Variants in KCND2 observed in about 807,000 individuals in gnomAD.
KCND2 encodes the protein potassium voltage-gated channel subfamily D member 2.
A neutral mutation model predicts 54.4 loss-of-function variants in KCND2; 16 were observed. That is an observed-to-expected ratio of 0.29 (90% CI 0.20 to 0.45). The LOEUF (loss-of-function observed/expected upper bound fraction) is 0.45. Ranked by LOEUF, KCND2 falls within the 20% of genes least tolerant of loss-of-function variation. The pLI, the probability that KCND2 is intolerant of heterozygous loss-of-function variation, is 1.00. For synonymous variants in KCND2, 317 were observed against 310.7 expected, an observed-to-expected ratio of 1.02 and a Z score of -0.21; for missense variants, 486 against 824.2, an observed-to-expected ratio of 0.59 and a Z score of 5.02.
At chr7:120,616,188 T>C (rs1348608930) in intron 1 of KCND2, among the ~76,000 whole-genome samples, 1 of 152,182 alleles carries the variant, frequency 6.6e-6, no homozygotes, top group African/African-American at 2.4e-5. Context: ...TGAAGTCAAA[T>C]TACCTGTATT....
intron 1 of KCND2, among the ~76,000 whole-genome samples, chr7:120,701,048 C>G (rs1285187159): frequency 6.6e-6 from 1 of 151,772 alleles, no homozygotes; most frequent in Non-Finnish European, 1.5e-5. Flanking sequence ...TGCGGGAGTT[C>G]CAGCTTTTAC....
intron 1 of KCND2, among the ~76,000 whole-genome samples, chr7:120,503,385 TGA>T (rs58222636): frequency 1.4e-3 from 210 of 145,540 alleles, no homozygotes; most frequent in Admixed American, 1.6e-3. Flanking sequence ...GTCTCTAGAG[TGA>T]GAGAGAGAGA....
rs561058066 is a variant in KCND2, at chr7:120,609,948, A to T, written c.1116-122955A>T. On this transcript the variant is annotated intron_variant, in intron 1 of 5. Transcript: ENST00000331113. ...GACTTAAGGAGTCCACATGCTGCTC[A>T]TGTAAGCAGAAATACTGAGTGTTTG... Among the ~76,000 whole-genome samples the T allele has an allele frequency of 1.4e-4, 22 of 152,264 alleles. No homozygotes were observed. In the South Asian group the frequency reaches 4.6e-3, roughly 32 times the overall value.
intron 1 of KCND2, among the ~76,000 whole-genome samples, chr7:120,648,074 ATAAAAATAGGTTTTTCTGTCCTCC>A (rs1233027639): frequency 2.0e-5 from 3 of 152,320 alleles, no homozygotes; most frequent in Middle Eastern, 6.8e-3. Flanking sequence ...AAGAAATATG[ATAAAAATAGGTTTTTCTGTCCTCC>A]TAAAAATAGG....
chr7:120,312,298 T>C (rs1022370162), intron 1 of KCND2, among the ~76,000 whole-genome samples: 2 of 152,120 alleles, frequency 1.3e-5, no homozygotes, highest in Non-Finnish European at 2.9e-5. Flanking sequence ...TGATGGGCAT[T>C]TAGGTTGATT....
intron 1 of KCND2, among the ~76,000 whole-genome samples, chr7:120,363,927 C>T (rs1400005030): frequency 6.6e-6 from 1 of 152,078 alleles, no homozygotes; most frequent in Non-Finnish European, 1.5e-5. Flanking sequence ...GAGGCCTCTG[C>T]ACTCAGATGC....
chr7:120,427,310 C>T (rs757324374), intron 1 of KCND2, among the ~76,000 whole-genome samples: 6 of 152,198 alleles, frequency 3.9e-5, no homozygotes, highest in Admixed American at 1.3e-4. Flanking sequence ...TGCCATTGTT[C>T]AGTTACACCC....
chr7:120,690,403 G>T (rs541542057), intron 1 of KCND2, among the ~76,000 whole-genome samples: 2 of 152,316 alleles, frequency 1.3e-5, no homozygotes, highest in African/African-American at 4.8e-5. Flanking sequence ...CTGACCTTAA[G>T]TATTTAATTA....
At chr7:120,433,673 A>T (rs2116170906) in intron 1 of KCND2, among the ~76,000 whole-genome samples, 1 of 152,370 alleles carries the variant, frequency 6.6e-6, no homozygotes, top group Non-Finnish European at 1.5e-5. Context: ...TCCTATCAAA[A>T]GAAAAACCTA....
intron 1 of KCND2, among the ~76,000 whole-genome samples, chr7:120,479,107 T>C (rs1000103057): frequency 6.6e-6 from 1 of 152,154 alleles, no homozygotes; most frequent in Non-Finnish European, 1.5e-5. Context: ...CAACATAAAA[T>C]GCATGGTTGT....
chr7:120,734,182 T>A (rs537583104), intron 2 of KCND2, among the ~76,000 whole-genome samples: 1 of 152,230 alleles, frequency 6.6e-6, no homozygotes, highest in Non-Finnish European at 1.5e-5. Flanking sequence ...TTTGCCTTAT[T>A]TGAACACAGT....
chr7:120,742,491 GTCTTC>G lies in KCND2; in HGVS notation c.1375-14_1375-10del. ...TGCAAATAAAATAGAAAGCTCTTCT[GTCTTC>G]TCTTTGTTAACAGTCCTCAGAGGAT... On this transcript the variant is annotated splice_polypyrimidine_tract_variant and intron_variant, in intron 3 of 5. Coordinates refer to ENST00000331113, the MANE Select transcript of KCND2 (RefSeq NM_012281.3). 6.2e-7 allele frequency: 1 copy of G among 1,604,052 alleles called. No individual in the cohort carries two copies. Among genetic ancestry groups the G allele is most frequent in the Non-Finnish European group, 8.5e-7 (1 of 1,170,930 alleles).
At chr7:120,684,825 A>C (rs1284706706) in intron 1 of KCND2, among the ~76,000 whole-genome samples, 2 of 152,124 alleles carry the variant, frequency 1.3e-5, no homozygotes, top group Non-Finnish European at 2.9e-5. Flanking sequence ...CCCTATTGTG[A>C]ACTGTGCATG....
chr7:120,643,418 A>G (rs1217270592), intron 1 of KCND2, among the ~76,000 whole-genome samples: 1 of 152,138 alleles, frequency 6.6e-6, no homozygotes, highest in Non-Finnish European at 1.5e-5. Flanking sequence ...ATATATATAT[A>G]CTCAAATGCA....
intron 1 of KCND2, among the ~76,000 whole-genome samples, chr7:120,290,884 T>C (rs1469268110): frequency 1.3e-5 from 2 of 151,952 alleles, no homozygotes; most frequent in Non-Finnish European, 2.9e-5. Flanking sequence ...AGGTTGGGGA[T>C]AGAAGAAAAT....
In KCND2 at chr7:120,602,455, T is replaced by G. The variant is rs181528274; in HGVS notation, c.1116-130448T>G. ...GACAGAGGTATATGATGTCCAGTTT[T>G]CTATGACCCAACGTCAGCATTGGGA... On this transcript the variant is annotated intron_variant, in intron 1 of 5. Coordinates refer to ENST00000331113, the MANE Select transcript of KCND2 (RefSeq NM_012281.3). Among the ~76,000 whole-genome samples, 274 of 152,312 alleles carry G rather than the reference T, an allele frequency of 1.8e-3. 1 individual carries two copies. Among genetic ancestry groups the G allele is most frequent in the Non-Finnish European group, 3.0e-3 (203 of 68,014 alleles).
chr7:120,584,398 C>G (rs890762142), intron 1 of KCND2, among the ~76,000 whole-genome samples: 1 of 152,158 alleles, frequency 6.6e-6, no homozygotes, highest in African/African-American at 2.4e-5. Context: ...GCTGTTATTT[C>G]TTAGGTGACT....
chr7:120,725,286 G>A (rs1318612274), intron 1 of KCND2, among the ~76,000 whole-genome samples: 1 of 152,038 alleles, frequency 6.6e-6, no homozygotes. Flanking sequence ...TTCACACTAA[G>A]GGTCCTAATT....
Position 120,651,999 on chromosome 7 carries a change from T to C in KCND2, c.1116-80904T>C, listed in dbSNP as rs190675282. On this transcript the variant is annotated intron_variant, in intron 1 of 5. Coordinates refer to ENST00000331113, the MANE Select transcript of KCND2 (RefSeq NM_012281.3). The stretch of plus-strand genomic sequence containing the variant: ...TATGGGAAATCTGTTAATTTTATTG[T>C]AAGGCAAACTACTTCTCTGCCTTCC... Among the ~76,000 whole-genome samples the C allele has an allele frequency of 3.9e-5, 6 of 152,314 alleles. No individual in the cohort carries two copies. The East Asian group carries it at 1.2e-3, about 29-fold the overall frequency.
Sources: gnomAD v4.1 joint callset for allele counts (sites outside exome capture counted in the v4.1 genomes callset) on GRCh38, gnomAD v4.1.1 for gene constraint, MANE v1.5 for transcripts, NCBI Gene and HGNC (gene_info 2026-07-23, HGNC 2026-07-21) for gene names.